CRIM1: variants seen among roughly 807,000 people sequenced by gnomAD.
CRIM1 encodes cysteine-rich motor neuron 1 protein.
In CRIM1, 32 loss-of-function variants were observed where a neutral mutation model predicts 116.4. That is an observed-to-expected ratio of 0.27 (90% confidence interval 0.21 to 0.37). The LOEUF (loss-of-function observed/expected upper bound fraction) is 0.37. CRIM1 is among the 10% of genes least tolerant of loss of function. CRIM1 has a pLI of 1.00. For synonymous variants in CRIM1, 590 were observed against 509.2 expected, an observed-to-expected ratio of 1.16 and a Z score of -2.13; for missense variants, 1,331 against 1,354.8, an observed-to-expected ratio of 0.98 and a Z score of 0.28.
rs570712529 is a variant in CRIM1 at position 36,543,536 on chromosome 2, G to C, written c.2624-840G>C. The stretch of plus-strand genomic sequence containing the variant: ...GTGAATAATATGGCAGGATCTGCCC[G>C]AAAGGAAATACGTGCATGACACAAA... On this transcript the variant is annotated intron_variant, in intron 14 of 16. Transcript: ENST00000280527. Among the ~76,000 whole-genome samples, 99 of 152,266 alleles carry C rather than the reference G, an allele frequency of 6.5e-4. 1 individual carries two copies. Among genetic ancestry groups the C allele is most frequent in the African/African-American group, 2.3e-3 (97 of 41,570 alleles).
intron 2 of CRIM1, among the ~76,000 whole-genome samples, chr2:36,403,840 G>T (rs1193219266): frequency 6.6e-6 from 1 of 152,086 alleles, no homozygotes; most frequent in Non-Finnish European, 1.5e-5. Context: ...TATGTTTGAG[G>T]TATCTATGGA....
At chr2:36,501,845 A>G (rs2125090420) in intron 8 of CRIM1, among the ~76,000 whole-genome samples, 1 of 152,224 alleles carries the variant, frequency 6.6e-6, no homozygotes, top group Non-Finnish European at 1.5e-5. Flanking sequence ...CTGTTCGGGG[A>G]AGGGTCAGTC....
At chr2:36,479,853 T>C (rs547724315) in intron 7 of CRIM1, among the ~76,000 whole-genome samples, 159 bp downstream of exon 7, 1 of 152,378 alleles carries the variant, frequency 6.6e-6, no homozygotes, top group East Asian at 1.9e-4. Flanking sequence ...AACTGATGAT[T>C]TGAGGAAAGG....
intron 13 of CRIM1, among the ~76,000 whole-genome samples, chr2:36,529,690 C>T (rs1665985184): frequency 6.6e-6 from 1 of 152,194 alleles, no homozygotes; most frequent in Admixed American, 6.5e-5. Flanking sequence ...GAAATTGTGT[C>T]CTCTGCATGC....
At chr2:36,539,851 G>C (rs1001175319) in intron 14 of CRIM1, among the ~76,000 whole-genome samples, 7 of 152,066 alleles carry the variant, frequency 4.6e-5, no homozygotes, top group South Asian at 2.1e-4. Flanking sequence ...TATCTAATCT[G>C]GGCTTCAGGA....
At chr2:36,482,049 C>T (rs970315268) in intron 7 of CRIM1, among the ~76,000 whole-genome samples, 2 of 152,198 alleles carry the variant, frequency 1.3e-5, no homozygotes, top group African/African-American at 4.8e-5. Context: ...GAGTTCACTT[C>T]TAGAGCCTCA....
chr2:36,479,682 C>A lies in CRIM1; in HGVS notation c.1360C>A (p.Pro454Thr), dbSNP rs766187610. ...NPVKVPGECC[P>T]VCEEPTIITV... ...TGTGAAAGTGCCTGGGGAGTGTTGC[C>A]CTGTGTGCGAAGGTAAATCTTGCAG... The change falls in exon 7 of 17, where the codon CCT becomes ACT. Residue 454 changes from proline (P) to threonine (T), a missense_variant. Pro to Thr is a conservative substitution (Grantham distance 38). Around this residue, in one of 3 missense-constraint regions of CRIM1, gnomAD observed 690 missense variants for 676.0 expected, o/e 1.02. Transcript: ENST00000280527. The A allele has an allele frequency of 1.9e-6, 3 of 1,614,060 alleles. No homozygotes were observed. Among genetic ancestry groups the A allele is most frequent in the Non-Finnish European group, 2.5e-6 (3 of 1,179,954 alleles).
intron 9 of CRIM1, among the ~76,000 whole-genome samples, chr2:36,510,373 C>T (rs367924070): frequency 6.6e-6 from 1 of 152,082 alleles, no homozygotes; most frequent in East Asian, 1.9e-4. Context: ...ACCCTTTGTG[C>T]CTGTTATATG....
At chr2:36,492,271 C>A (rs927915797) in intron 7 of CRIM1, among the ~76,000 whole-genome samples, 5 of 152,088 alleles carry the variant, frequency 3.3e-5, no homozygotes, top group African/African-American at 1.2e-4. Context: ...GAGATAAGTA[C>A]TTCAGAAATT....
At chr2:36,518,469 C>T (rs562124493) in intron 12 of CRIM1, among the ~76,000 whole-genome samples, 10 of 152,124 alleles carry the variant, frequency 6.6e-5, no homozygotes, top group South Asian at 2.1e-4. Flanking sequence ...TCTGTTGTTC[C>T]GTCATTATGT....
At chr2:36,436,385 A>G (rs116692557) in intron 2 of CRIM1, among the ~76,000 whole-genome samples, 67 of 152,302 alleles carry the variant, frequency 4.4e-4, no homozygotes, top group African/African-American at 1.5e-3. Context: ...AATAAGAAAG[A>G]TGGAGACTTT....
chr2:36,544,286 T>C lies in CRIM1; in HGVS notation c.2624-90T>C, dbSNP rs763720128. ...TTTCATGTCCCAGGAAATGTGGTCT[T>C]GAATTGAGTGCACCATTTGGATTGA... is the stretch of plus-strand genomic sequence containing the variant. On this transcript the variant is annotated intron_variant, in intron 14 of 16. Transcript: ENST00000280527. 1.0e-4 allele frequency: 121 copies of C among 1,169,684 alleles called. 1 individual carries two copies. Among genetic ancestry groups the C allele is most frequent in the East Asian group, 6.9e-4 (24 of 34,714 alleles). 72.5% of individuals were successfully genotyped at this position (1,169,684 alleles called of 1,614,324 possible). A position where few individuals can be genotyped will look rare whatever the true frequency, so the allele number is the denominator to read the frequency against.
At chr2:36,465,901 T>C (rs955504728) in intron 5 of CRIM1, among the ~76,000 whole-genome samples, 1 of 152,010 alleles carries the variant, frequency 6.6e-6, no homozygotes, top group African/African-American at 2.4e-5. Flanking sequence ...TTTTTTTTTT[T>C]TTGAGACAGA....
chr2:36,387,825 G>C (rs1369678667), intron 1 of CRIM1, among the ~76,000 whole-genome samples: 1 of 152,146 alleles, frequency 6.6e-6, no homozygotes, highest in South Asian at 2.1e-4. Flanking sequence ...TCTTTCTCAA[G>C]AACCAGTTTT....
Position 36,510,037 on chromosome 2 carries a change from G to C in CRIM1, c.1556G>C (p.Gly519Ala). 1.2e-6 allele frequency: 2 copies of C among 1,614,158 alleles called. No homozygotes were observed. The highest frequency in any genetic ancestry group is 1.7e-6 in the Non-Finnish European group (2 of 1,180,014). ...GGCTGCACCTTGAACTGTCCCTTCG[G>C]TTTCCTTACTGATGCCCAAAACTGT... is the stretch of plus-strand genomic sequence containing the variant. ...KQGCTLNCPFGFLTDAQNCEI... is the reference protein window; with the variant it reads ...KQGCTLNCPFAFLTDAQNCEI... The change falls in exon 9 of 17, where the codon GGT (glycine) becomes GCT (alanine). Residue 519 changes from glycine (G) to alanine (A), a missense_variant. Gly to Ala is a moderately conservative substitution (Grantham distance 60). Around this residue, in one of 3 missense-constraint regions of CRIM1, gnomAD observed 358 missense variants for 436.1 expected, o/e 0.82. Coordinates refer to ENST00000280527, the MANE Select transcript of CRIM1 (RefSeq NM_016441.3).
intron 14 of CRIM1, among the ~76,000 whole-genome samples, chr2:36,539,811 G>C (rs1162193013): frequency 6.6e-6 from 1 of 152,146 alleles, no homozygotes; most frequent in African/African-American, 2.4e-5. Flanking sequence ...TAGTCATTCA[G>C]CATCAAAGTG....
At chr2:36,387,922 T>A (rs1488457062) in intron 1 of CRIM1, among the ~76,000 whole-genome samples, 1 of 152,182 alleles carries the variant, frequency 6.6e-6, no homozygotes, top group Non-Finnish European at 1.5e-5. Flanking sequence ...CTTACTCTGT[T>A]GCTCTTTTTT....
chr2:36,485,363 A>G (rs1679739190), intron 7 of CRIM1, among the ~76,000 whole-genome samples: 1 of 152,186 alleles, frequency 6.6e-6, no homozygotes, highest in Admixed American at 6.5e-5. Flanking sequence ...GTCTCAGCTC[A>G]CCCAATACTG....
rs200392667 is a variant in CRIM1 at position 36,469,647 on chromosome 2, C to CA, written c.991+5001dup. 4.8e-3 allele frequency among the ~76,000 whole-genome samples: 706 copies of CA among 147,858 alleles called. 6 individuals carry two copies. Among genetic ancestry groups the CA allele is most frequent in the African/African-American group, 0.015 (592 of 40,306 alleles). On this transcript the variant is annotated intron_variant, in intron 5 of 16. Transcript: ENST00000280527. ...TTCAGACCTGCAGGCTGTTAATTTT[C>CA]AAAAAAAAACACTAGTACAGAAAAC...
Sources: allele counts gnomAD v4.1 joint callset (sites outside exome capture counted in the v4.1 genomes callset), GRCh38; gene constraint gnomAD v4.1.1; regional missense constraint gnomAD v4.1.1; transcripts MANE v1.5; gene names NCBI Gene and HGNC (gene_info 2026-07-23, HGNC 2026-07-21).